Variants in CRTC1 observed in about 807,000 individuals in gnomAD.
CRTC1 encodes the protein CREB-regulated transcription coactivator 1.
In CRTC1, 18 loss-of-function variants were observed where a neutral mutation model predicts 66.1. The observed-to-expected ratio is 0.27, with a 90% CI of 0.19 to 0.40. The LOEUF (loss-of-function observed/expected upper bound fraction) is 0.40. Ranked by LOEUF, CRTC1 falls within the 10% of genes least tolerant of loss-of-function variation. The pLI, the probability that CRTC1 is intolerant of heterozygous loss-of-function variation, is 1.00. For synonymous variants in CRTC1, 416 were observed against 398.8 expected (o/e 1.04, Z -0.51); for missense variants, 669 against 887.9 (o/e 0.75, Z 3.13).
intron 1 of CRTC1, among the ~76,000 whole-genome samples, chr19:18,708,413 C>T (rs905111934): frequency 6.6e-6 from 1 of 152,100 alleles, no homozygotes; most frequent in Non-Finnish European, 1.5e-5. Context: ...CCAGGGTGCC[C>T]GAGAGAGGAA....
chr19:18,747,263 A>G (rs1309865232), intron 4 of CRTC1, 149 bp downstream of exon 4: 2 of 591,590 alleles, frequency 3.4e-6, no homozygotes, highest in Non-Finnish European at 6.0e-6. Flanking sequence ...ATTAGCCTTC[A>G]CCCTGAAACA....
At chr19:18,758,480 T>C (rs1022371753) in intron 6 of CRTC1, among the ~76,000 whole-genome samples, 1 of 151,968 alleles carries the variant, frequency 6.6e-6, no homozygotes, top group African/African-American at 2.4e-5. Context: ...CCATACACCA[T>C]GTCCATGTCC....
intron 1 of CRTC1, among the ~76,000 whole-genome samples, chr19:18,696,921 A>C (rs1013612042): frequency 2.7e-5 from 1 of 36,710 alleles, no homozygotes; most frequent in Non-Finnish European, 5.2e-5. Context: ...CCAGAATCAC[A>C]GGGGAGGGGT....
chr19:18,761,589 T>C (rs1277479386), intron 8 of CRTC1, among the ~76,000 whole-genome samples: 1 of 152,198 alleles, frequency 6.6e-6, no homozygotes, highest in African/African-American at 2.4e-5. Flanking sequence ...GGAGTCCCCC[T>C]GGCTGCCCTG....
intron 1 of CRTC1, among the ~76,000 whole-genome samples, chr19:18,692,939 G>C (rs2052881577): frequency 6.6e-6 from 1 of 151,780 alleles, no homozygotes; most frequent in Admixed American, 6.6e-5. Flanking sequence ...GCTGGGCATG[G>C]TGGCACGTGC....
chr19:18,711,170 C>T (rs2053382105), intron 1 of CRTC1, among the ~76,000 whole-genome samples: 1 of 152,222 alleles, frequency 6.6e-6, no homozygotes, highest in South Asian at 2.1e-4. Context: ...ACTGAACCTT[C>T]CCGTCCCAGG....
chr19:18,693,156 C>T (rs578036181), intron 1 of CRTC1, among the ~76,000 whole-genome samples: 228 of 151,442 alleles, frequency 1.5e-3, no homozygotes, highest in Non-Finnish European at 2.5e-3. Flanking sequence ...TTTGGGAGGC[C>T]GAGGTGGGCA....
At chr19:18,704,747 G>A (rs995152881) in intron 1 of CRTC1, among the ~76,000 whole-genome samples, 28 of 152,182 alleles carry the variant, frequency 1.8e-4, no homozygotes, top group African/African-American at 6.5e-4. Flanking sequence ...TACACATAAC[G>A]TGTAAGTTAC....
chr19:18,698,420 AAC>A (rs972696094), intron 1 of CRTC1, among the ~76,000 whole-genome samples: 8 of 120,588 alleles, frequency 6.6e-5, no homozygotes, highest in African/African-American at 2.3e-4. Flanking sequence ...AGGCACACAC[AAC>A]AGTGTGTACT....
At chr19:18,698,494 A>ACTCAGCAGGCG (rs777096049) in intron 1 of CRTC1, among the ~76,000 whole-genome samples, 3 of 139,410 alleles carry the variant, frequency 2.2e-5, no homozygotes, top group Admixed American at 2.1e-4. Flanking sequence ...CACAGTGTGT[A>ACTCAGCAGGCG]CTCAGCAGGC....
chr19:18,769,255 T>C (rs940083306), intron 10 of CRTC1, among the ~76,000 whole-genome samples: 2 of 152,228 alleles, frequency 1.3e-5, no homozygotes, highest in Admixed American at 6.5e-5. Flanking sequence ...GGCTGGGGGC[T>C]GCAGCTCAGA....
chr19:18,697,111 G>A (rs989603078), intron 1 of CRTC1, among the ~76,000 whole-genome samples: 1 of 152,120 alleles, frequency 6.6e-6, no homozygotes, highest in Non-Finnish European at 1.5e-5. Context: ...GGGTCCAGGT[G>A]TGTAAATAAG....
At chr19:18,747,200 A>C in intron 4 of CRTC1, 86 bp downstream of exon 4, 1 of 1,036,320 alleles carries the variant, frequency 9.6e-7, no homozygotes, top group Non-Finnish European at 1.4e-6. Context: ...GAAAAGCAGG[A>C]CACAGTCGCT....
chr19:18,725,850 C>G (rs2053738716), intron 1 of CRTC1, among the ~76,000 whole-genome samples: 1 of 152,214 alleles, frequency 6.6e-6, no homozygotes, highest in Non-Finnish European at 1.5e-5. Flanking sequence ...GAGAATTCCT[C>G]TCTCCCCGTG....
At chr19:18,722,682 A>G (rs1038339823) in intron 1 of CRTC1, among the ~76,000 whole-genome samples, 4 of 151,826 alleles carry the variant, frequency 2.6e-5, no homozygotes, top group Non-Finnish European at 4.4e-5. Context: ...CGTGTAGCAC[A>G]CTCCCAGTGC....
chr19:18,759,525 T>C (rs1184464991), intron 6 of CRTC1, 26 bp from the exon 7 acceptor site: 2 of 1,610,256 alleles, frequency 1.2e-6, no homozygotes, highest in African/African-American at 2.7e-5. Flanking sequence ...GCCCCAGGGC[T>C]CAGGCTCTCC....
chr19:18,691,558 A>C (rs2052837924), intron 1 of CRTC1, among the ~76,000 whole-genome samples: 1 of 150,474 alleles, frequency 6.6e-6, no homozygotes, highest in Non-Finnish European at 1.5e-5. Flanking sequence ...AAGAAAGGAC[A>C]CAGAGACACA....
At position 18,763,705 on chromosome 19, in the gene CRTC1, G is replaced by A. The variant is rs115219687; in HGVS notation, c.887-1699G>A. On this transcript the variant is annotated intron_variant, in intron 8 of 13. Transcript: ENST00000321949. The stretch of plus-strand genomic sequence containing the variant: ...GGCCATGGCCGATGTCTTGCACCTC[G>A]AGACGGGCCACAGTGCTCTGGTTTG... 4.7e-3 allele frequency among the ~76,000 whole-genome samples: 712 copies of A among 152,320 alleles called. 8 individuals are homozygous for A. Among genetic ancestry groups the A allele is most frequent in the African/African-American group, 0.016 (684 of 41,570 alleles).
In CRTC1 at chr19:18,760,581, C is replaced by T. The variant is rs569328112; in HGVS notation, c.886+353C>T. The stretch of plus-strand genomic sequence containing the variant: ...TCGACCCCAGCCCCTCATTGGGGGG[C>T]GGGACCAGGCCTGACCTGCTTCCTC... On this transcript the variant is annotated intron_variant, in intron 8 of 13. Coordinates refer to ENST00000321949, the MANE Select transcript of CRTC1 (RefSeq NM_015321.3). The surrounding 1 kb of genome is among the most constrained non-coding windows in gnomAD (Gnocchi z 6.2). Among the ~76,000 whole-genome samples the T allele has an allele frequency of 3.8e-4, 58 of 151,986 alleles. No homozygotes were observed. Among genetic ancestry groups the T allele is most frequent in the African/African-American group, 1.3e-3 (54 of 41,432 alleles).
Sources: gnomAD v4.1 joint callset for allele counts (sites outside exome capture counted in the v4.1 genomes callset) on GRCh38, gnomAD v4.1.1 for gene constraint, Gnocchi (gnomAD v3.1) non-coding constraint, MANE v1.5 for transcripts, NCBI Gene and HGNC (gene_info 2026-07-23, HGNC 2026-07-21) for gene names.